Variants in ABCC1 observed in about 807,000 individuals in gnomAD.
The protein encoded by ABCC1 is ATP binding cassette subfamily C member 1 (ABCC1 blood group).
Under a neutral mutation model 172.9 loss-of-function variants are expected in ABCC1, and 83 were observed. The ratio of observed to expected loss-of-function variants is 0.48; its 90% CI spans 0.40 to 0.58. The LOEUF is 0.58. Among genes scored for constraint, ABCC1 ranks in the 20% least tolerant of loss-of-function variants. The pLI, the probability that ABCC1 is intolerant of heterozygous loss-of-function variation, is 0.00. For missense variants in ABCC1, 1,817 were observed against 2,002.7 expected, an observed-to-expected ratio of 0.91 and a Z score of 1.77; for synonymous variants, 937 against 825.2, an observed-to-expected ratio of 1.14 and a Z score of -2.32.
chr16:16,019,962 C>T (rs930855098), intron 5 of ABCC1, among the ~76,000 whole-genome samples: 5 of 152,150 alleles, frequency 3.3e-5, no homozygotes, highest in African/African-American at 7.2e-5. Flanking sequence ...CTCGCTCTGT[C>T]GCCAAGGCTG....
rs10580146 is a variant in ABCC1, at chr16:16,034,023, C to CTTTTTTTTTTT, written c.677+865_677+875dup. ...TTTTTTTGCCCCTAATAAGCATCATCTTTTTTTTTTTTTTTTTTTTTTGAG... is the reference window on the plus strand; with the variant it reads ...TTTTTTTGCCCCTAATAAGCATCATCTTTTTTTTTTTTTTTTTTTTTTTTTTTTTTTTTGAG... On this transcript the variant is annotated intron_variant, in intron 6 of 30. Transcript: ENST00000399410. 3.7e-3 allele frequency among the ~76,000 whole-genome samples: 317 copies of CTTTTTTTTTTT among 86,818 alleles called. 26 individuals are homozygous for CTTTTTTTTTTT. Among genetic ancestry groups the CTTTTTTTTTTT allele is most frequent in the African/African-American group, 5.4e-3 (123 of 22,990 alleles). 57.0% of individuals were successfully genotyped at this position (86,818 alleles called of 152,430 possible).
intron 1 of ABCC1, among the ~76,000 whole-genome samples, chr16:15,993,424 G>T (rs1358628527): frequency 6.6e-6 from 1 of 152,138 alleles, no homozygotes; most frequent in Non-Finnish European, 1.5e-5. Context: ...ATCAAGGCCT[G>T]GTGAGGTGAA....
At chr16:16,080,150 G>C (rs578260149) in intron 16 of ABCC1, among the ~76,000 whole-genome samples, 1 of 152,140 alleles carries the variant, frequency 6.6e-6, no homozygotes, top group East Asian at 1.9e-4. Flanking sequence ...AAGACTCCCT[G>C]GTACGCAGCC....
In ABCC1 at chr16:16,083,679, G is replaced by T. The variant is rs1022061835; in HGVS notation, c.2292+137G>T. The T allele has an allele frequency of 9.0e-6, 10 of 1,113,576 alleles. No homozygotes were observed. The Admixed American group carries it at 2.5e-4, about 27-fold the overall frequency. 69.0% of individuals were successfully genotyped at this position (1,113,576 alleles called of 1,614,324 possible). A position where few individuals can be genotyped will look rare whatever the true frequency, so the allele number is the denominator to read the frequency against. Reference sequence around the variant, plus strand: ...GCTCAGCTGGGCGGCTCTGCTGCACGCTGCAGGCCAGCTGAACTTGGGTCC... The same window carrying T: ...GCTCAGCTGGGCGGCTCTGCTGCACTCTGCAGGCCAGCTGAACTTGGGTCC... On this transcript the variant is annotated intron_variant, in intron 17 of 30. Coordinates refer to ENST00000399410, the MANE Select transcript of ABCC1 (RefSeq NM_004996.4).
At chr16:16,039,209 T>TTGTG (rs749877499) in intron 7 of ABCC1, among the ~76,000 whole-genome samples, 8,223 of 136,858 alleles carry the variant, frequency 0.06, 269 homozygotes, top group Middle Eastern at 0.12. Context: ...GAGGAAGCTT[T>TTGTG]TGTGTGTGTG....
chr16:15,976,953 C>A (rs1426743686), intron 1 of ABCC1, among the ~76,000 whole-genome samples: 1 of 152,192 alleles, frequency 6.6e-6, no homozygotes, highest in African/African-American at 2.4e-5. Context: ...CCTTGACCAC[C>A]AAGTCATGGT....
At chr16:16,013,725 C>G (rs995931425) in intron 3 of ABCC1, among the ~76,000 whole-genome samples, 2 of 152,274 alleles carry the variant, frequency 1.3e-5, no homozygotes, top group Admixed American at 1.3e-4. Context: ...TTGGTTTGGT[C>G]TGGGGCATAG....
chr16:16,116,677 C>A (rs112629636), intron 23 of ABCC1, among the ~76,000 whole-genome samples: 7 of 152,036 alleles, frequency 4.6e-5, no homozygotes, highest in Non-Finnish European at 8.8e-5. Context: ...ATTCTCTTGC[C>A]TCAGCCTCCC....
intron 1 of ABCC1, among the ~76,000 whole-genome samples, chr16:15,985,404 C>T (rs768183643): frequency 6.6e-6 from 1 of 152,166 alleles, no homozygotes; most frequent in Non-Finnish European, 1.5e-5. Context: ...CTTGTTTCCC[C>T]ACCAGCTCTA....
intron 21 of ABCC1, among the ~76,000 whole-genome samples, chr16:16,110,116 T>TC (rs144993477): frequency 0.077 from 11,593 of 150,676 alleles, 592 homozygotes; most frequent in Admixed American, 0.14. Flanking sequence ...TTTTTTTTTT[T>TC]CCCCCTGGAG....
chr16:16,099,035 A>G, intron 19 of ABCC1: 1 of 768,288 alleles, frequency 1.3e-6, no homozygotes, highest in South Asian at 1.3e-5. Flanking sequence ...TCATTGGTTC[A>G]TTTAGCACAC....
intron 18 of ABCC1, among the ~76,000 whole-genome samples, chr16:16,088,273 C>G (rs1191171203): frequency 6.6e-6 from 1 of 151,950 alleles, no homozygotes; most frequent in Non-Finnish European, 1.5e-5. Context: ...GGTGAAACCC[C>G]ATCTCTACTA....
At chr16:16,071,793 C>T (rs2050361328) in intron 14 of ABCC1, 64 bp downstream of exon 14, 2 of 1,424,692 alleles carry the variant, frequency 1.4e-6, no homozygotes, top group African/African-American at 2.8e-5. Context: ...CTGGGTCCTC[C>T]CTACTTGCAT....
chr16:16,010,586 C>T (rs1007890316), intron 3 of ABCC1, among the ~76,000 whole-genome samples: 12 of 152,084 alleles, frequency 7.9e-5, no homozygotes, highest in African/African-American at 1.4e-4. Flanking sequence ...TGCTCTGTCC[C>T]GGGGGATACA....
chr16:15,986,265 C>G (rs1010217311), intron 1 of ABCC1, among the ~76,000 whole-genome samples: 1 of 152,128 alleles, frequency 6.6e-6, no homozygotes, highest in African/African-American at 2.4e-5. Context: ...CAGATATTCC[C>G]ACCGTCCTCT....
chr16:16,075,777 G>A (rs1402384635), intron 14 of ABCC1, among the ~76,000 whole-genome samples: 2 of 152,226 alleles, frequency 1.3e-5, no homozygotes, highest in Non-Finnish European at 2.9e-5. Flanking sequence ...TCCACCTGCT[G>A]TGATGTGCTG....
chr16:16,043,847 C>A (rs994603460), intron 7 of ABCC1, among the ~76,000 whole-genome samples: 4 of 152,220 alleles, frequency 2.6e-5, no homozygotes, highest in Non-Finnish European at 5.9e-5. Context: ...AGTGATCCAG[C>A]CACCTTGGCC....
intron 17 of ABCC1, 95 bp downstream of exon 17, chr16:16,083,637 T>G: frequency 6.7e-7 from 1 of 1,489,676 alleles, no homozygotes; most frequent in Non-Finnish European, 9.2e-7. Context: ...TCTGCTGCTA[T>G]CAGCTGACCC....
intron 10 of ABCC1, 88 bp from the exon 11 acceptor site, chr16:16,052,636 C>T: frequency 7.8e-7 from 1 of 1,288,290 alleles, no homozygotes; most frequent in Non-Finnish European, 1.1e-6. Context: ...CAGCAGCATC[C>T]ACGTGGGATG....
Sources: allele counts gnomAD v4.1 joint callset (sites outside exome capture counted in the v4.1 genomes callset), GRCh38; gene constraint gnomAD v4.1.1; transcripts MANE v1.5; gene names NCBI Gene and HGNC (gene_info 2026-07-23, HGNC 2026-07-21).